The following GRIA2 variants were observed in gnomAD, a reference collection of about 807,000 sequenced individuals.
GRIA2 encodes the protein glutamate ionotropic receptor AMPA type subunit 2.
Under a neutral mutation model 97.3 loss-of-function variants are expected in GRIA2, and 14 were observed. That is an observed-to-expected ratio of 0.14 (90% CI 0.10 to 0.23). The LOEUF (loss-of-function observed/expected upper bound fraction) is 0.23. GRIA2 is among the 10% of genes least tolerant of loss of function. The pLI, the probability that GRIA2 is intolerant of heterozygous loss-of-function variation, is 1.00. For synonymous variants in GRIA2, 412 were observed against 387.8 expected (o/e 1.06, Z -0.73); for missense variants, 558 against 1,069.8 (o/e 0.52, Z 6.67).
rs541143839 is a variant in GRIA2, at chr4:157,253,946, C to A, written c.229+32139C>A. ...TTTGTCAAATACAGGTAACATAAAT[C>A]TTTTTCGTCAAAGAGTAGACTTGTC... is the stretch of plus-strand genomic sequence containing the variant. On this transcript the variant is annotated intron_variant, in intron 2 of 15. Coordinates refer to ENST00000264426, the MANE Select transcript of GRIA2 (RefSeq NM_001083619.3). Among the ~76,000 whole-genome samples the A allele has an allele frequency of 8.6e-5, 13 of 151,430 alleles. No homozygotes were observed. The South Asian group carries it at 2.7e-3, about 31-fold the overall frequency.
intron 2 of GRIA2, among the ~76,000 whole-genome samples, chr4:157,240,801 C>T (rs1579296800): frequency 2.0e-5 from 3 of 151,638 alleles, no homozygotes; most frequent in South Asian, 2.1e-4. Flanking sequence ...GCTGGTGCGC[C>T]GCACCCACTA....
chr4:157,326,259 A>G (rs1734798298), intron 6 of GRIA2, among the ~76,000 whole-genome samples: 1 of 152,202 alleles, frequency 6.6e-6, no homozygotes, highest in African/African-American at 2.4e-5. Flanking sequence ...ATAGTAGGCT[A>G]TGTATTTAAA....
intron 2 of GRIA2, among the ~76,000 whole-genome samples, chr4:157,263,394 T>G (rs1282164655): frequency 3.9e-5 from 6 of 152,096 alleles, no homozygotes; most frequent in Non-Finnish European, 8.8e-5. Flanking sequence ...AGTTTTTTTT[T>G]TCTGTAGTGG....
chr4:157,364,468 A>AATAT lies in GRIA2; in HGVS notation c.*1049_*1052dup, dbSNP rs554032926. On this transcript the variant is annotated 3_prime_UTR_variant, in exon 16 of 16. Transcript: ENST00000264426. ...TCTGAATATCTTTTTGACATGTCTA[A>AATAT]ATATATATATATATAAAGAAATATT... The AATAT allele has an allele frequency of 2.0e-5, 3 of 150,244 alleles. No individual in the cohort carries two copies. Among genetic ancestry groups the AATAT allele is most frequent in the Admixed American group, 6.7e-5 (1 of 14,998 alleles). The allele number at this position is 150,244 out of a possible 1,614,324, so 9.3% of individuals were successfully genotyped here.
chr4:157,344,210 A>G (rs1735670807), intron 12 of GRIA2, among the ~76,000 whole-genome samples: 1 of 152,144 alleles, frequency 6.6e-6, no homozygotes, highest in Non-Finnish European at 1.5e-5. Flanking sequence ...TCATAGGGTC[A>G]ACTGTAATAT....
intron 2 of GRIA2, among the ~76,000 whole-genome samples, chr4:157,229,732 C>T (rs1729916042): frequency 6.6e-6 from 1 of 151,928 alleles, no homozygotes; most frequent in Admixed American, 6.6e-5. Context: ...TGTGAAATGG[C>T]CTAAATTTTA....
chr4:157,294,827 T>A (rs1037194043), intron 2 of GRIA2, among the ~76,000 whole-genome samples: 1 of 152,122 alleles, frequency 6.6e-6, no homozygotes, highest in Non-Finnish European at 1.5e-5. Context: ...CCTGGCACTC[T>A]TTATCCACAA....
intron 2 of GRIA2, among the ~76,000 whole-genome samples, chr4:157,235,687 C>T (rs987275733): frequency 6.6e-6 from 1 of 151,926 alleles, no homozygotes; most frequent in Admixed American, 6.6e-5. Flanking sequence ...TAAAAAGTTT[C>T]AATTTTTCGC....
At chr4:157,222,458 CG>C (rs1027466253) in intron 2 of GRIA2, among the ~76,000 whole-genome samples, 4 of 149,298 alleles carry the variant, frequency 2.7e-5, no homozygotes, top group Admixed American at 1.3e-4. Flanking sequence ...AGGCTCAGGC[CG>C]GCCGGGTGGC....
At chr4:157,312,379 A>C (rs1734119937) in intron 3 of GRIA2, among the ~76,000 whole-genome samples, 1 of 152,108 alleles carries the variant, frequency 6.6e-6, no homozygotes, top group Non-Finnish European at 1.5e-5. Flanking sequence ...TATTAACATT[A>C]CACTTTAGTA....
Position 157,361,049 on chromosome 4 carries a change from A to G in GRIA2, c.2331A>G (p.Gln777=). The change falls in exon 14 of 16, where the codon CAA becomes CAG. Residue 777 remains glutamine (Q), a synonymous_variant. Transcript: ENST00000264426. The surrounding 1 kb of genome is among the most constrained non-coding windows in gnomAD (Gnocchi z 5.2). ...VNLAVLKLNE[Q]GLLDKLKNKW... is the part of the protein sequence containing the mutation. ...TCGCAGTACTAAAACTGAATGAACA[A>G]GGCCTGTTGGACAAATTGAAAAACA... is the stretch of plus-strand genomic sequence containing the variant. 6.2e-7 allele frequency: 1 copy of G among 1,613,622 alleles called. No individual in the cohort carries two copies. Among genetic ancestry groups the G allele is most frequent in the Non-Finnish European group, 8.5e-7 (1 of 1,179,554 alleles).
chr4:157,282,112 C>T lies in GRIA2; in HGVS notation c.230-21440C>T, dbSNP rs562141597. 9.4e-4 allele frequency among the ~76,000 whole-genome samples: 143 copies of T among 152,182 alleles called. 1 individual carries two copies. The highest frequency in any genetic ancestry group is 2.9e-5 in the Non-Finnish European group (2 of 68,010). On this transcript the variant is annotated intron_variant, in intron 2 of 15. Coordinates refer to ENST00000264426, the MANE Select transcript of GRIA2 (RefSeq NM_001083619.3). ...TAGCAGTTTTCTACTGCCATTTTGG[C>T]TTCTGTTAACTGTTTATCTGCCATT...
At chr4:157,360,229 G>A in intron 13 of GRIA2, 86 bp downstream of exon 13, 3 of 1,379,592 alleles carry the variant, frequency 2.2e-6, no homozygotes, top group Non-Finnish European at 3.0e-6. Context: ...CTTACGGTTT[G>A]TATACGGATA....
intron 2 of GRIA2, among the ~76,000 whole-genome samples, chr4:157,230,495 A>ATTCC (rs941163771): frequency 3.3e-5 from 5 of 151,508 alleles, no homozygotes; most frequent in African/African-American, 7.3e-5. Flanking sequence ...AAATTAATTC[A>ATTCC]TTCCTTCCTT....
chr4:157,260,008 T>C (rs1731455912), intron 2 of GRIA2, among the ~76,000 whole-genome samples: 1 of 152,156 alleles, frequency 6.6e-6, no homozygotes, highest in Non-Finnish European at 1.5e-5. Context: ...ACTGTTGTGG[T>C]CACAAGTCTA....
At chr4:157,254,457 A>T (rs1731153224) in intron 2 of GRIA2, among the ~76,000 whole-genome samples, 1 of 152,106 alleles carries the variant, frequency 6.6e-6, no homozygotes, top group African/African-American at 2.4e-5. Flanking sequence ...TGCTTCATGT[A>T]ACTGATAAAT....
At chr4:157,332,163 A>C (rs1157725201) in intron 6 of GRIA2, among the ~76,000 whole-genome samples, 1 of 152,094 alleles carries the variant, frequency 6.6e-6, no homozygotes, top group African/African-American at 2.4e-5. Context: ...TTGGCCCTAG[A>C]ACCTGTAATA....
chr4:157,358,824 A>C (rs538365428), intron 12 of GRIA2, among the ~76,000 whole-genome samples: 1 of 152,286 alleles, frequency 6.6e-6, no homozygotes, highest in African/African-American at 2.4e-5. Flanking sequence ...AGTATTATAA[A>C]CCATTTGGAT....
intron 12 of GRIA2, among the ~76,000 whole-genome samples, chr4:157,349,205 C>T (rs1735894929): frequency 6.6e-6 from 1 of 152,050 alleles, no homozygotes; most frequent in East Asian, 1.9e-4. Flanking sequence ...GTATCGTGGT[C>T]CTTGACTTAC....
Sources: allele counts gnomAD v4.1 joint callset (sites outside exome capture counted in the v4.1 genomes callset), GRCh38; gene constraint gnomAD v4.1.1; non-coding constraint Gnocchi (gnomAD v3.1); transcripts MANE v1.5; gene names NCBI Gene and HGNC (gene_info 2026-07-23, HGNC 2026-07-21).